AVEN: variants seen among roughly 807,000 people sequenced by gnomAD.
AVEN encodes cell death regulator Aven.
In AVEN, 41 loss-of-function variants were observed where a neutral mutation model predicts 38.1. The observed-to-expected ratio is 1.08, with a 90% CI of 0.84 to 1.40. The LOEUF is 1.40. AVEN is among the 40% of genes most tolerant of loss of function. AVEN has a pLI of 0.00. For missense variants in AVEN, 605 were observed against 438.8 expected, an observed-to-expected ratio of 1.38 and a Z score of -3.38; for synonymous variants, 206 against 171.8, an observed-to-expected ratio of 1.20 and a Z score of -1.56.
chr15:33,919,046 G>A (rs948153966), intron 2 of AVEN, among the ~76,000 whole-genome samples: 10 of 150,622 alleles, frequency 6.6e-5, no homozygotes, highest in Admixed American at 2.0e-4. Context: ...TCAGCCTCCC[G>A]AGTAGCTGGG....
At chr15:34,003,268 T>A in intron 1 of AVEN, 59 bp from the exon 2 acceptor site, 2 of 1,524,672 alleles carry the variant, frequency 1.3e-6, no homozygotes, top group Admixed American at 3.9e-5. Context: ...CTTAGTAGAC[T>A]TCCCAGTAAA....
chr15:34,059,650 T>G (rs950502683), intron 5 of AVEN, among the ~76,000 whole-genome samples: 2 of 152,188 alleles, frequency 1.3e-5, no homozygotes, highest in African/African-American at 2.4e-5. Context: ...GCCTCTGGGC[T>G]TACAAACAAG....
At chr15:34,001,064 A>G (rs183794746) in intron 2 of AVEN, among the ~76,000 whole-genome samples, 75 of 138,594 alleles carry the variant, frequency 5.4e-4, no homozygotes, top group East Asian at 2.3e-3. Flanking sequence ...CTTGTTGCCC[A>G]GGCTGGAGTG....
chr15:33,943,818 G>A lies in AVEN; in HGVS notation c.445+59214C>T, dbSNP rs762927993. Among the ~76,000 whole-genome samples, 52 of 83,496 alleles carry A rather than the reference G, an allele frequency of 6.2e-4. 1 individual carries two copies. Among genetic ancestry groups the A allele is most frequent in the South Asian group, 1.2e-3 (2 of 1,722 alleles). 54.8% of individuals were successfully genotyped at this position (83,496 alleles called of 152,430 possible). A position where few individuals can be genotyped will look rare whatever the true frequency, so the allele number is the denominator to read the frequency against. ...AGCCTGGGTGACAGAGCAAGACTCC[G>A]TCTTTAAAAAAAAAAAAAAAAAAAA... On this transcript the variant is annotated intron_variant, in intron 2 of 5. Transcript: ENST00000306730.
intron 2 of AVEN, among the ~76,000 whole-genome samples, chr15:33,934,731 G>A (rs534270553): frequency 4.5e-4 from 68 of 152,270 alleles, no homozygotes; most frequent in African/African-American, 1.5e-3. Context: ...TCCTGGTTAC[G>A]CTCTCTCAGA....
chr15:33,859,854 A>T, intron 11 of AVEN: 2 of 1,107,766 alleles, frequency 1.8e-6, no homozygotes, highest in East Asian at 2.6e-5. Flanking sequence ...TAATTTAGCA[A>T]GAACTAATTT....
chr15:33,900,239 T>A (rs1892433236), intron 2 of AVEN, among the ~76,000 whole-genome samples: 1 of 152,110 alleles, frequency 6.6e-6, no homozygotes, highest in Non-Finnish European at 1.5e-5. Flanking sequence ...TATGTCTAAA[T>A]GTTCTCAACT....
intron 1 of AVEN, among the ~76,000 whole-genome samples, chr15:34,006,843 T>G (rs1897373139): frequency 6.6e-6 from 1 of 152,206 alleles, no homozygotes; most frequent in South Asian, 2.1e-4. Flanking sequence ...AAGATGTATC[T>G]TAAAAACTAG....
At chr15:33,983,471 G>C (rs1597309738) in intron 2 of AVEN, among the ~76,000 whole-genome samples, 1 of 151,914 alleles carries the variant, frequency 6.6e-6, no homozygotes, top group Non-Finnish European at 1.5e-5. Flanking sequence ...AGATAGATCT[G>C]CAGTAAAGCA....
chr15:33,911,629 C>T (rs1892922408), intron 2 of AVEN, among the ~76,000 whole-genome samples: 1 of 152,044 alleles, frequency 6.6e-6, no homozygotes, highest in African/African-American at 2.4e-5. Context: ...AATTTCTGAG[C>T]CACGAACTGA....
chr15:33,947,083 A>G (rs1894535972), intron 2 of AVEN, among the ~76,000 whole-genome samples: 2 of 152,218 alleles, frequency 1.3e-5, no homozygotes, highest in Non-Finnish European at 2.9e-5. Context: ...GACCCCAAGC[A>G]TAACTGGTGG....
chr15:33,931,912 T>C (rs969907671), intron 2 of AVEN, among the ~76,000 whole-genome samples: 3 of 152,116 alleles, frequency 2.0e-5, no homozygotes, highest in African/African-American at 4.8e-5. Context: ...GAGACAGAGA[T>C]GAGAGAAAGA....
chr15:33,932,657 T>A (rs1321357998), intron 2 of AVEN, among the ~76,000 whole-genome samples: 3 of 152,048 alleles, frequency 2.0e-5, no homozygotes, highest in African/African-American at 7.2e-5. Context: ...AAACCCTGTC[T>A]CTACTAAAAA....
intron 2 of AVEN, among the ~76,000 whole-genome samples, chr15:33,922,726 G>A (rs1171569449): frequency 4.6e-5 from 7 of 152,134 alleles, no homozygotes; most frequent in Non-Finnish European, 8.8e-5. Context: ...GTGAGCCACT[G>A]GTACCCAGTT....
chr15:33,962,018 C>A (rs1370837291), intron 2 of AVEN, among the ~76,000 whole-genome samples: 1 of 151,992 alleles, frequency 6.6e-6, no homozygotes, highest in Non-Finnish European at 1.5e-5. Flanking sequence ...CCTAGAGTGG[C>A]TATTTCCAAC....
At chr15:33,988,473 A>C (rs1896576366) in intron 2 of AVEN, among the ~76,000 whole-genome samples, 1 of 152,238 alleles carries the variant, frequency 6.6e-6, no homozygotes. Context: ...TTAGGATTTA[A>C]TGAAATAGAG....
chr15:34,044,181 G>A (rs1481967014), upstream of AVEN, among the ~76,000 whole-genome samples: 1 of 151,192 alleles, frequency 6.6e-6, no homozygotes, highest in Non-Finnish European at 1.5e-5. Flanking sequence ...AAGTTCCTCA[G>A]AAGAGTCATC....
chr15:34,026,172 C>G (rs1031380298), intron 1 of AVEN, among the ~76,000 whole-genome samples: 1 of 152,150 alleles, frequency 6.6e-6, no homozygotes, highest in Non-Finnish European at 1.5e-5. Flanking sequence ...CTTATAATTT[C>G]CACATATTGT....
intron 2 of AVEN, among the ~76,000 whole-genome samples, chr15:33,983,140 G>GTGTGTGTGTGTGTGTA (rs1555512720): frequency 4.8e-4 from 57 of 118,380 alleles, no homozygotes; most frequent in African/African-American, 2.4e-3. Context: ...GTGTGTGTGT[G>GTGTGTGTGTGTGTGTA]TGTGTGTGTG....
Sources: allele counts gnomAD v4.1 joint callset (sites outside exome capture counted in the v4.1 genomes callset), GRCh38; gene constraint gnomAD v4.1.1; transcripts MANE v1.5; gene names NCBI Gene and HGNC (gene_info 2026-07-23, HGNC 2026-07-21).